Variants in LOXL2 observed in about 807,000 individuals in gnomAD.
LOXL2 encodes lysyl oxidase like 2.
Under a neutral mutation model 93.0 loss-of-function variants are expected in LOXL2, and 70 were observed. The ratio of observed to expected loss-of-function variants is 0.75; its 90% CI spans 0.62 to 0.92. LOXL2 has a LOEUF of 0.92. LOXL2 is among the 40% of genes least tolerant of loss of function. LOXL2 has a pLI of 0.00. For missense variants in LOXL2, 973 were observed against 1,054.9 expected (o/e 0.92, Z 1.08); for synonymous variants, 438 against 413.2 (o/e 1.06, Z -0.73).
intron 3 of LOXL2, among the ~76,000 whole-genome samples, chr8:23,356,062 C>T (rs1403917005): frequency 1.1e-4 from 16 of 152,162 alleles, no homozygotes; most frequent in Non-Finnish European, 1.6e-4. Flanking sequence ...AGCAGTTTTT[C>T]TGAAAGTTCA....
intron 1 of LOXL2, among the ~76,000 whole-genome samples, chr8:23,368,682 C>T (rs1804452020): frequency 1.3e-5 from 2 of 152,156 alleles, no homozygotes; most frequent in Admixed American, 1.3e-4. Context: ...CACACTCCAA[C>T]TTAATTTAAG....
intron 1 of LOXL2, among the ~76,000 whole-genome samples, chr8:23,373,311 G>A (rs193300518): frequency 7.9e-5 from 12 of 152,084 alleles, no homozygotes; most frequent in South Asian, 6.2e-4. Flanking sequence ...GCGGAGGGGG[G>A]GCCTAACTTT....
At chr8:23,396,272 G>A (rs889104096) in intron 1 of LOXL2, among the ~76,000 whole-genome samples, 9 of 152,152 alleles carry the variant, frequency 5.9e-5, no homozygotes, top group African/African-American at 1.2e-4. Flanking sequence ...CAGCCAAATC[G>A]TGCCATTGCA....
Position 23,322,153 on chromosome 8 carries a change from G to T in LOXL2, c.1279C>A (p.Pro427Thr). 6.2e-7 allele frequency: 1 copy of T among 1,614,198 alleles called. No individual in the cohort carries two copies. The highest frequency in any genetic ancestry group is 8.5e-7 in the Non-Finnish European group (1 of 1,180,034). ...ACCTTCTTCTGCAAGCCCATGGCAGGGGTGTTGCATCTCACACCAGCATCC... is the reference window on the plus strand; with the variant it reads ...ACCTTCTTCTGCAAGCCCATGGCAGTGGTGTTGCATCTCACACCAGCATCC... ...EEDAGVRCNT[P>T]AMGLQKKLRL... The change falls in exon 7 of 14, where the codon CCT (proline) becomes ACT (threonine). Residue 427 changes from proline to threonine, a missense_variant. By Grantham distance (38) the Pro-to-Thr change is conservative. Coordinates refer to ENST00000389131, the MANE Select transcript of LOXL2 (RefSeq NM_002318.3).
At chr8:23,309,029 T>C (rs183859166) in intron 10 of LOXL2, among the ~76,000 whole-genome samples, 1 of 151,040 alleles carries the variant, frequency 6.6e-6, no homozygotes, top group Non-Finnish European at 1.5e-5. Context: ...CTGTCGCCTA[T>C]GCTGGAGTGT....
intron 4 of LOXL2, among the ~76,000 whole-genome samples, chr8:23,340,471 TCAC>T (rs1028907093): frequency 1.3e-5 from 2 of 152,222 alleles, no homozygotes; most frequent in Non-Finnish European, 2.9e-5. Flanking sequence ...TTAGCGATCA[TCAC>T]AGTATTGTCA....
At chr8:23,306,514 G>A (rs893007760) in intron 10 of LOXL2, among the ~76,000 whole-genome samples, 7 of 152,252 alleles carry the variant, frequency 4.6e-5, no homozygotes, top group African/African-American at 1.7e-4. Context: ...CTTGGCAGGA[G>A]CAAGCCCCAC....
intron 1 of LOXL2, among the ~76,000 whole-genome samples, chr8:23,387,643 ATATG>A (rs1388076224): frequency 2.0e-5 from 3 of 152,234 alleles, no homozygotes; most frequent in Admixed American, 2.0e-4. Flanking sequence ...AATGGAAACA[ATATG>A]TACTTAAAAA....
chr8:23,355,860 C>T (rs1804189195), intron 3 of LOXL2, among the ~76,000 whole-genome samples: 1 of 152,046 alleles, frequency 6.6e-6, no homozygotes, highest in South Asian at 2.1e-4. Flanking sequence ...CTGCCCACCT[C>T]TGCCACCCAA....
intron 1 of LOXL2, among the ~76,000 whole-genome samples, chr8:23,394,301 G>A (rs939821280): frequency 6.0e-5 from 9 of 150,890 alleles, no homozygotes; most frequent in Admixed American, 6.0e-4. Flanking sequence ...GCTGAGGCAG[G>A]AGAATCGCTT....
chr8:23,304,978 T>C (rs1803206678), intron 10 of LOXL2, among the ~76,000 whole-genome samples: 1 of 152,190 alleles, frequency 6.6e-6, no homozygotes, highest in African/African-American at 2.4e-5. Context: ...AGTTGCTAAG[T>C]TGGGCTTCCC....
rs141474842 is a variant in LOXL2, at chr8:23,348,379, C to T, written c.532-7176G>A. ...ATGTAACGGGCCTGCACATTGTGCA[C>T]ACGTACCCTAGAACTTAAAGTATAA... On this transcript the variant is annotated intron_variant, in intron 3 of 13. Transcript: ENST00000389131. Among the ~76,000 whole-genome samples, 788 of 151,818 alleles carry T rather than the reference C, an allele frequency of 5.2e-3. 44 individuals carry two copies. In the East Asian group the frequency reaches 0.12, roughly 24 times the overall value.
chr8:23,329,578 T>G (rs528542378), intron 5 of LOXL2, among the ~76,000 whole-genome samples: 2 of 152,192 alleles, frequency 1.3e-5, no homozygotes, highest in East Asian at 3.9e-4. Flanking sequence ...GCATGCTGCA[T>G]GTATGCGTGT....
intron 10 of LOXL2, among the ~76,000 whole-genome samples, chr8:23,309,336 T>C (rs536436807): frequency 6.6e-6 from 1 of 152,286 alleles, no homozygotes; most frequent in African/African-American, 2.4e-5. Flanking sequence ...CTGGAGTACC[T>C]GGCAGCACAC....
chr8:23,365,622 C>T (rs1804387456), intron 2 of LOXL2: 1 of 151,864 alleles, frequency 6.6e-6, no homozygotes, highest in Non-Finnish European at 1.5e-5. Flanking sequence ...TCCAGTACTC[C>T]TGGTCTCTTC....
intron 1 of LOXL2, among the ~76,000 whole-genome samples, chr8:23,395,354 T>C (rs1800078062): frequency 6.6e-6 from 1 of 151,014 alleles, no homozygotes; most frequent in Non-Finnish European, 1.5e-5. Flanking sequence ...TATATGATTC[T>C]ATTTACACAA....
At chr8:23,403,521 A>C (rs1800178533) in intron 1 of LOXL2, among the ~76,000 whole-genome samples, 1 of 151,688 alleles carries the variant, frequency 6.6e-6, no homozygotes, top group African/African-American at 2.4e-5. Flanking sequence ...CACAGCCCCG[A>C]GGGCAGTCAC....
At chr8:23,319,516 T>A (rs1278181209) in intron 8 of LOXL2, among the ~76,000 whole-genome samples, 1 of 151,772 alleles carries the variant, frequency 6.6e-6, no homozygotes, top group Non-Finnish European at 1.5e-5. Flanking sequence ...GGGCTGGGGG[T>A]CACCACCTCC....
At chr8:23,304,871 G>A (rs1005906827) in intron 10 of LOXL2, among the ~76,000 whole-genome samples, 10 of 152,200 alleles carry the variant, frequency 6.6e-5, no homozygotes, top group African/African-American at 1.4e-4. Flanking sequence ...CACGGGGAAC[G>A]GGGAAGACAG....
Sources: gnomAD v4.1 joint callset for allele counts (sites outside exome capture counted in the v4.1 genomes callset) on GRCh38, gnomAD v4.1.1 for gene constraint, MANE v1.5 for transcripts, NCBI Gene and HGNC (gene_info 2026-07-23, HGNC 2026-07-21) for gene names.